The following SEPTIN6 variants were observed in gnomAD, a reference collection of about 807,000 sequenced individuals.
The protein encoded by SEPTIN6 is septin 6, also known as septin-6.
SEPTIN6 carries 8 observed loss-of-function variants against 33.6 expected under a neutral mutation model. That is an observed-to-expected ratio of 0.24 (90% CI 0.14 to 0.43). The LOEUF (loss-of-function observed/expected upper bound fraction) is 0.43. Ranked by LOEUF, SEPTIN6 falls within the 20% of genes least tolerant of loss-of-function variation. The pLI is 1.00. For missense variants in SEPTIN6, 250 were observed against 340.8 expected (o/e 0.73, Z 2.10); for synonymous variants, 131 against 140.0 (o/e 0.94, Z 0.45).
At chrX:119,640,104 G>A (rs1022971691) in intron 6 of SEPTIN6, among the ~76,000 whole-genome samples, 1 of 101,193 alleles carries the variant, frequency 9.9e-6, no homozygotes, top group African/African-American at 3.7e-5. Flanking sequence ...GAGCCACCGC[G>A]CCCAGCCCCA....
chrX:119,633,616 A>C (rs2054005826), intron 7 of SEPTIN6, 124 bp from the exon 8 acceptor site: 1 of 924,358 alleles, frequency 1.1e-6, no homozygotes, highest in South Asian at 2.7e-5. Flanking sequence ...AGGTACAAAA[A>C]TAGAACCACA....
chrX:119,616,392 G>A (rs2053665823), downstream of SEPTIN6: 1 of 403,325 alleles, frequency 2.5e-6, no homozygotes, highest in African/African-American at 2.4e-5. Flanking sequence ...ACCCACAGCT[G>A]AGGTGTCCTG....
chrX:119,625,467 G>A, intron 9 of SEPTIN6, 88 bp from the exon 10 acceptor site: 1 of 881,087 alleles, frequency 1.1e-6, no homozygotes, highest in South Asian at 2.1e-5. Flanking sequence ...AAGGGTTAGA[G>A]GTCAAAGGTG....
At chrX:119,673,196 C>T (rs2054775977) in intron 2 of SEPTIN6, among the ~76,000 whole-genome samples, 1 of 111,108 alleles carries the variant, frequency 9.0e-6, no homozygotes, top group Non-Finnish European at 1.9e-5. Flanking sequence ...CACAGTGAGA[C>T]CTCACCTCAT....
rs181126684 is a variant in SEPTIN6, at chrX:119,653,278, C to T, written c.342-238G>A. Among the ~76,000 whole-genome samples the T allele has an allele frequency of 3.6e-5, 4 of 111,711 alleles. No homozygotes were observed. The East Asian group carries it at 1.1e-3, about 31-fold the overall frequency. On this transcript the variant is annotated intron_variant, in intron 3 of 10. Transcript: ENST00000394610. ...ACTAGAATGCCCCTTTCTCTCTCCTCATCCCAATTCTGCCCTCCCAGACCT... is the reference window on the plus strand; with the variant it reads ...ACTAGAATGCCCCTTTCTCTCTCCTTATCCCAATTCTGCCCTCCCAGACCT...
chrX:119,663,622 G>T lies in SEPTIN6; in HGVS notation c.201C>A (p.Phe67Leu). 1 of 1,210,877 alleles carries T rather than the reference G, an allele frequency of 8.3e-7. No homozygotes were observed. ...TLMDTLFNTKFEGEPATHTQP... is the reference protein window; with the variant it reads ...TLMDTLFNTKLEGEPATHTQP... The stretch of plus-strand genomic sequence containing the variant: ...GTGTGTGGGTGGCTGGCTCCCCTTC[G>T]AATTTGGTGTTGAACAGGGTGTCCA... Residue 67 changes from phenylalanine (F) to leucine (L), a missense_variant, in exon 3 of 11, where the codon TTC becomes TTA. Coordinates refer to ENST00000394610, the MANE Select transcript of SEPTIN6 (RefSeq NM_145799.4).
Position 119,682,598 on chromosome X carries a change from T to A in SEPTIN6, c.31-6930A>T, listed in dbSNP as rs189128412. 2.7e-5 allele frequency among the ~76,000 whole-genome samples: 3 copies of A among 111,973 alleles called. No individual in the cohort carries two copies. The Admixed American group carries it at 2.9e-4, about 11-fold the overall frequency. ...TCCTGAGGACACACCAATTTCGTTT[T>A]TTAATTGAATATTCGTAAGGTTCAT... On this transcript the variant is annotated intron_variant, in intron 1 of 10. Transcript: ENST00000394610.
At chrX:119,684,876 T>A (rs192279414) in intron 1 of SEPTIN6, among the ~76,000 whole-genome samples, 99 of 111,701 alleles carry the variant, frequency 8.9e-4, no homozygotes, top group African/African-American at 3.2e-3. Flanking sequence ...TAAGCCAGGC[T>A]AAGAGGAAAC....
At chrX:119,684,830 C>T (rs1439265804) in intron 1 of SEPTIN6, among the ~76,000 whole-genome samples, 1 of 111,740 alleles carries the variant, frequency 8.9e-6, no homozygotes, top group Non-Finnish European at 1.9e-5. Flanking sequence ...CAAATGCATC[C>T]AACACATCAA....
intron 10 of SEPTIN6, chrX:119,624,157 GTTTT>G (rs66945031): frequency 0.024 from 4,873 of 203,773 alleles, 71 homozygotes; most frequent in Non-Finnish European, 0.035. Flanking sequence ...TTTTTTTTTT[GTTTT>G]TTTTTTTGTT....
chrX:119,626,694 C>CT lies in SEPTIN6; in HGVS notation c.1281-1316dup, dbSNP rs1191655577. 1.3e-3 allele frequency among the ~76,000 whole-genome samples: 134 copies of CT among 101,580 alleles called. 1 individual carries two copies. The highest frequency in any genetic ancestry group is 1.3e-3 in the South Asian group (3 of 2,329). The allele number at this position is 101,580 out of a possible 115,157, so 88.2% of individuals were successfully genotyped here. A position where few individuals can be genotyped will look rare whatever the true frequency, so the allele number is the denominator to read the frequency against. On this transcript the variant is annotated intron_variant, in intron 9 of 10. Transcript: ENST00000394610. ...TTCTGGACTAATTGGTGAAGATGTTCTTTTTTTTTTTTTAGACAAAGTCTC... is the reference window on the plus strand; with the variant it reads ...TTCTGGACTAATTGGTGAAGATGTTCTTTTTTTTTTTTTTAGACAAAGTCTC...
chrX:119,686,886 G>T (rs1323084596), intron 1 of SEPTIN6, among the ~76,000 whole-genome samples: 1 of 111,651 alleles, frequency 9.0e-6, no homozygotes. Flanking sequence ...TCTTCCCTGG[G>T]CCCTATGGGA....
chrX:119,629,444 T>G lies in SEPTIN6; in HGVS notation c.1154A>C (p.Lys385Thr), dbSNP rs1436628958. 2 of 1,209,897 alleles carry G rather than the reference T, an allele frequency of 1.7e-6. No individual in the cohort carries two copies. The highest frequency in any genetic ancestry group is 2.2e-6 in the Non-Finnish European group (2 of 895,031). The stretch of plus-strand genomic sequence containing the variant: ...CACTTCATCATCCAGGGATTTCTTC[T>G]TATCCTCCAGTTTCTTCTTCTCGTC... Reference protein sequence around the residue: ...HQDEKKKLEDKKKSLDDEVNA... With the variant: ...HQDEKKKLEDTKKSLDDEVNA... Residue 385 changes from lysine to threonine, a missense_variant, in exon 9 of 11, where the codon AAG becomes ACG. Physicochemically the swap from Lys to Thr is moderately conservative, Grantham distance 78 (BLOSUM62 -1). Coordinates refer to ENST00000394610, the MANE Select transcript of SEPTIN6 (RefSeq NM_145799.4).
chrX:119,619,448 C>T lies in SEPTIN6; in HGVS notation c.*645G>A, dbSNP rs1039066893. 9.8e-6 allele frequency: 8 copies of T among 813,012 alleles called. No individual in the cohort carries two copies. In the Admixed American group the frequency reaches 2.2e-4, roughly 23 times the overall value. The allele number at this position is 813,012 out of a possible 1,213,427, so 67.0% of individuals were successfully genotyped here. ...GGGAAGGGCTTGGTGTAAATAAATG[C>T]GTTGCCGATTTTGAGCACAGCTTGA... On this transcript the variant is annotated 3_prime_UTR_variant, in exon 11 of 11. Coordinates refer to ENST00000394610, the MANE Select transcript of SEPTIN6 (RefSeq NM_145799.4).
chrX:119,690,591 C>T (rs757609851), intron 1 of SEPTIN6, among the ~76,000 whole-genome samples: 1 of 107,214 alleles, frequency 9.3e-6, no homozygotes, highest in Non-Finnish European at 1.9e-5. Flanking sequence ...GGTGTGGTGG[C>T]GGGTGCCTGT....
At chrX:119,624,185 G>GT (rs2053821989) in intron 10 of SEPTIN6, 5 of 191,287 alleles carry the variant, frequency 2.6e-5, no homozygotes, top group Non-Finnish European at 2.0e-5. Flanking sequence ...TTGTTTGTTT[G>GT]TTTTTTTGAG....
chrX:119,689,378 C>T (rs1264981584), intron 1 of SEPTIN6, among the ~76,000 whole-genome samples: 1 of 112,350 alleles, frequency 8.9e-6, no homozygotes, highest in Non-Finnish European at 1.9e-5. Context: ...ACCTCATAGT[C>T]AGGGGGTGAG....
chrX:119,667,917 C>T (rs2054672281), intron 2 of SEPTIN6, among the ~76,000 whole-genome samples: 1 of 111,853 alleles, frequency 8.9e-6, no homozygotes, highest in African/African-American at 3.2e-5. Flanking sequence ...TTTCATCTCA[C>T]TTTGCTTAAT....
chrX:119,691,341 G>C (rs759694412), intron 1 of SEPTIN6, among the ~76,000 whole-genome samples: 69 of 112,139 alleles, frequency 6.2e-4, no homozygotes, highest in Admixed American at 1.1e-3. Flanking sequence ...AAAATCATTA[G>C]CGTCATTTTT....
Sources: allele counts gnomAD v4.1 joint callset (sites outside exome capture counted in the v4.1 genomes callset), GRCh38; gene constraint gnomAD v4.1.1; transcripts MANE v1.5; gene names NCBI Gene and HGNC (gene_info 2026-07-23, HGNC 2026-07-21).